ARHGEF7: variants seen among roughly 807,000 people sequenced by gnomAD.
ARHGEF7 encodes the protein Rho guanine nucleotide exchange factor 7, also known as PAK-interacting exchange factor beta.
A neutral mutation model predicts 109.8 loss-of-function variants in ARHGEF7; 33 were observed. The observed-to-expected ratio is 0.30, with a 90% CI of 0.23 to 0.40. ARHGEF7 has a LOEUF of 0.40. Ranked by LOEUF, ARHGEF7 falls within the 10% of genes least tolerant of loss-of-function variation. The pLI, the probability that ARHGEF7 is intolerant of heterozygous loss-of-function variation, is 1.00. For synonymous variants in ARHGEF7, 458 were observed against 424.6 expected (o/e 1.08, Z -0.97); for missense variants, 938 against 1,098.5 (o/e 0.85, Z 2.07).
intron 3 of ARHGEF7, among the ~76,000 whole-genome samples, chr13:111,206,278 G>T (rs1176231156): frequency 6.6e-6 from 1 of 151,398 alleles, no homozygotes; most frequent in Non-Finnish European, 1.5e-5. Context: ...AGAGACGGGG[G>T]TTATGCATGC....
At chr13:111,234,246 C>T (rs1043695301) in intron 6 of ARHGEF7, among the ~76,000 whole-genome samples, 2 of 152,108 alleles carry the variant, frequency 1.3e-5, no homozygotes, top group Admixed American at 6.5e-5. Context: ...TGTTGGGAAA[C>T]GGTGAAAAGG....
At chr13:111,219,275 C>G (rs1207990921) in intron 5 of ARHGEF7, among the ~76,000 whole-genome samples, 1 of 152,196 alleles carries the variant, frequency 6.6e-6, no homozygotes, top group East Asian at 1.9e-4. Context: ...CTTTTGACTG[C>G]TTATTTCATT....
intron 2 of ARHGEF7, among the ~76,000 whole-genome samples, chr13:111,179,643 A>G (rs1197374813): frequency 6.6e-6 from 1 of 152,166 alleles, no homozygotes; most frequent in Non-Finnish European, 1.5e-5. Context: ...TTTCTGTTAA[A>G]TGTAGGATCT....
intron 20 of ARHGEF7, 107 bp from the exon 21 acceptor site, chr13:111,301,371 C>T: frequency 1.1e-6 from 1 of 905,554 alleles, no homozygotes. Flanking sequence ...TAAGGCAGAG[C>T]AGCTCCGTGT....
intron 1 of ARHGEF7, among the ~76,000 whole-genome samples, chr13:111,130,612 G>A (rs2074693228): frequency 6.6e-6 from 1 of 152,184 alleles, no homozygotes; most frequent in Non-Finnish European, 1.5e-5. Flanking sequence ...ATAGTGCTAG[G>A]AACTGGAGAT....
intron 2 of ARHGEF7, among the ~76,000 whole-genome samples, chr13:111,156,631 C>A (rs887133812): frequency 7.2e-5 from 11 of 152,212 alleles, no homozygotes; most frequent in Admixed American, 5.2e-4. Flanking sequence ...CAGGGCTGGG[C>A]CCTGAAGGAC....
chr13:111,148,273 AC>A, intron 1 of ARHGEF7, among the ~76,000 whole-genome samples: 1 of 152,374 alleles, frequency 6.6e-6, no homozygotes, highest in South Asian at 2.1e-4. Flanking sequence ...TAAATCAGGG[AC>A]AAAGGCATAG....
At chr13:111,248,666 AT>A (rs1454658616) in intron 8 of ARHGEF7, among the ~76,000 whole-genome samples, 2 of 151,902 alleles carry the variant, frequency 1.3e-5, no homozygotes, top group African/African-American at 4.8e-5. Flanking sequence ...TAGTTTGAGA[AT>A]TTTTTTCAGT....
At chr13:111,267,518 A>T (rs375761501) in intron 8 of ARHGEF7, 30 bp from the exon 9 acceptor site, 2 of 1,612,632 alleles carry the variant, frequency 1.2e-6, no homozygotes, top group Non-Finnish European at 1.7e-6. Flanking sequence ...AAAACTGATG[A>T]CTATTTCCCT....
intron 2 of ARHGEF7, among the ~76,000 whole-genome samples, chr13:111,188,136 C>T (rs746860526): frequency 1.3e-5 from 2 of 152,134 alleles, no homozygotes; most frequent in Non-Finnish European, 2.9e-5. Flanking sequence ...CTGTGGAGTC[C>T]GTTGTCCGTT....
At chr13:111,188,409 C>T (rs993101057) in intron 2 of ARHGEF7, among the ~76,000 whole-genome samples, 6 of 152,236 alleles carry the variant, frequency 3.9e-5, no homozygotes, top group Admixed American at 2.6e-4. Flanking sequence ...AATGGATGAG[C>T]AGCATCTGTG....
intron 2 of ARHGEF7, among the ~76,000 whole-genome samples, chr13:111,196,506 G>A (rs1286131621): frequency 2.0e-5 from 3 of 152,204 alleles, no homozygotes; most frequent in Non-Finnish European, 4.4e-5. Flanking sequence ...AGGATCATCT[G>A]AAAACTTCCC....
At chr13:111,236,544 C>T (rs558034192) in intron 6 of ARHGEF7, among the ~76,000 whole-genome samples, 54 of 152,326 alleles carry the variant, frequency 3.5e-4, no homozygotes, top group African/African-American at 1.2e-3. Flanking sequence ...AGTTTATCTT[C>T]CCATAGTCAC....
rs964509375 is a variant in ARHGEF7 at position 111,228,784 on chromosome 13, G to A, written c.671-4421G>A. Among the ~76,000 whole-genome samples, 3 of 151,940 alleles carry A rather than the reference G, an allele frequency of 2.0e-5. No homozygotes were observed. The highest frequency in any genetic ancestry group is 7.3e-5 in the African/African-American group (3 of 41,346). ...GCGTGAGTAACAGCCAACAAACCACGCACAGAGCCCCAGCACAGAAGGTCG... is the reference window on the plus strand; with the variant it reads ...GCGTGAGTAACAGCCAACAAACCACACACAGAGCCCCAGCACAGAAGGTCG... On this transcript the variant is annotated intron_variant, in intron 5 of 21. Coordinates refer to ENST00000646102, the MANE Select transcript of ARHGEF7 (RefSeq NM_001354046.2). The surrounding 1 kb of genome is among the most constrained non-coding windows in gnomAD (Gnocchi z 4.6).
chr13:111,303,110 A>G lies in ARHGEF7; in HGVS notation c.2586A>G (p.Leu862=), dbSNP rs773263747. 6.2e-6 allele frequency: 10 copies of G among 1,610,296 alleles called. No individual in the cohort carries two copies. Among genetic ancestry groups the G allele is most frequent in the South Asian group, 2.2e-5 (2 of 90,922 alleles). The change falls in exon 22 of 22, where the codon CTA becomes CTG. Residue 862 remains leucine (L), a synonymous_variant. Transcript: ENST00000646102. ...MNDPAWDETN[L] The stretch of plus-strand genomic sequence containing the variant: ...ATCCTGCCTGGGATGAGACCAATCT[A>G]TAAGGGATGTCCTCAGTTCTTTCTG...
rs2093605409 is a variant in ARHGEF7 at position 111,303,020 on chromosome 13, G to A, written c.2496G>A (p.Glu832=). The A allele has an allele frequency of 6.2e-7, 1 of 1,614,050 alleles. No homozygotes were observed. The highest frequency in any genetic ancestry group is 1.7e-5 in the Admixed American group (1 of 60,012). ...ACAAAAAGATGAAGAAATCTCTAGAGGAAGAACAGAGAGCCCGCAAAGACC... is the reference window on the plus strand; with the variant it reads ...ACAAAAAGATGAAGAAATCTCTAGAAGAAGAACAGAGAGCCCGCAAAGACC... ...QDNKKMKKSL[E]EEQRARKDLE... is the part of the protein sequence containing the mutation. The change falls in exon 22 of 22, where the codon GAG becomes GAA. Residue 832 remains glutamate, a synonymous_variant. Coordinates refer to ENST00000646102, the MANE Select transcript of ARHGEF7 (RefSeq NM_001354046.2).
At chr13:111,120,834 C>G (rs1285071076) in intron 1 of ARHGEF7, among the ~76,000 whole-genome samples, 1 of 152,202 alleles carries the variant, frequency 6.6e-6, no homozygotes. Context: ...GATGAGGACC[C>G]TGAGGTCTGG....
intron 19 of ARHGEF7, among the ~76,000 whole-genome samples, chr13:111,299,688 C>G (rs1468471211): frequency 6.6e-6 from 1 of 152,172 alleles, no homozygotes; most frequent in African/African-American, 2.4e-5. Context: ...TCGTATTGTA[C>G]TGAGCTTTCC....
chr13:111,279,575 T>C (rs1323228077), intron 13 of ARHGEF7, among the ~76,000 whole-genome samples: 1 of 152,244 alleles, frequency 6.6e-6, no homozygotes, highest in East Asian at 1.9e-4. Flanking sequence ...GCGGACTTGG[T>C]GGGCCACCAT....
Sources: gnomAD v4.1 joint callset for allele counts (sites outside exome capture counted in the v4.1 genomes callset) on GRCh38, gnomAD v4.1.1 for gene constraint, Gnocchi (gnomAD v3.1) non-coding constraint, MANE v1.5 for transcripts, NCBI Gene and HGNC (gene_info 2026-07-23, HGNC 2026-07-21) for gene names.